The following ACO1 variants were observed in gnomAD, a reference collection of about 807,000 sequenced individuals.
The protein encoded by ACO1 is aconitase 1.
Under a neutral mutation model 105.1 loss-of-function variants are expected in ACO1, and 78 were observed. The observed-to-expected ratio is 0.74, with a 90% CI of 0.62 to 0.90. The LOEUF (loss-of-function observed/expected upper bound fraction) is 0.90. Among genes scored for constraint, ACO1 ranks in the 40% least tolerant of loss-of-function variants. The pLI is 0.00. For missense variants in ACO1, 965 were observed against 1,111.1 expected (o/e 0.87, Z 1.87); for synonymous variants, 364 against 397.4 (o/e 0.92, Z 1.00).
chr9:32,387,645 T>C (rs1327857383), intron 1 of ACO1, among the ~76,000 whole-genome samples: 1 of 152,260 alleles, frequency 6.6e-6, no homozygotes, highest in Non-Finnish European at 1.5e-5. Context: ...TTCTAAAATA[T>C]AGATCAGCAA....
At chr9:32,403,123 G>A (rs992410222) in intron 1 of ACO1, among the ~76,000 whole-genome samples, 3 of 152,206 alleles carry the variant, frequency 2.0e-5, no homozygotes, top group African/African-American at 4.8e-5. Flanking sequence ...GAACAGGGTG[G>A]CTGCACCTAG....
chr9:32,387,537 A>G (rs1291025612), intron 1 of ACO1, among the ~76,000 whole-genome samples: 2 of 152,150 alleles, frequency 1.3e-5, no homozygotes, highest in African/African-American at 2.4e-5. Flanking sequence ...TTTTAGTAGA[A>G]AACAGACTCT....
chr9:32,434,802 CTT>C, intron 17 of ACO1, 101 bp downstream of exon 17: 2 of 1,423,310 alleles, frequency 1.4e-6, no homozygotes, highest in Non-Finnish European at 1.9e-6. Context: ...GAATGAGACT[CTT>C]TGGTTGTGCA....
intron 4 of ACO1, among the ~76,000 whole-genome samples, chr9:32,416,715 G>C (rs144841875): frequency 2.6e-5 from 4 of 152,320 alleles, no homozygotes; most frequent in African/African-American, 9.6e-5. Context: ...GGCTCTGGGG[G>C]AGGGGAGGAT....
At chr9:32,426,536 CTT>C (rs887357459) in intron 11 of ACO1, among the ~76,000 whole-genome samples, 1 of 152,190 alleles carries the variant, frequency 6.6e-6, no homozygotes, top group African/African-American at 2.4e-5. Flanking sequence ...CAAAGCTCCT[CTT>C]ATATCCATCC....
intron 18 of ACO1, among the ~76,000 whole-genome samples, chr9:32,437,879 G>C (rs1054116694): frequency 4.6e-5 from 7 of 151,840 alleles, no homozygotes; most frequent in African/African-American, 1.7e-4. Context: ...AAAGATAAGA[G>C]AAAAAAATGT....
intron 4 of ACO1, among the ~76,000 whole-genome samples, chr9:32,415,206 T>C (rs937630808): frequency 3.9e-5 from 6 of 152,118 alleles, no homozygotes; most frequent in Admixed American, 6.5e-5. Context: ...TTGAAGGACT[T>C]AGGTTTTTAA....
At chr9:32,440,855 GTC>G (rs1407972355) in intron 19 of ACO1, among the ~76,000 whole-genome samples, 1 of 152,170 alleles carries the variant, frequency 6.6e-6, no homozygotes, top group African/African-American at 2.4e-5. Flanking sequence ...GGTCTGTGAA[GTC>G]TCTGAAAACA....
At chr9:32,404,853 G>A (rs150490124) in intron 1 of ACO1, among the ~76,000 whole-genome samples, 1 of 152,334 alleles carries the variant, frequency 6.6e-6, no homozygotes, top group East Asian at 1.9e-4. Flanking sequence ...CTAGAAGCTT[G>A]AACAGGTTCA....
chr9:32,450,364 A>G lies in ACO1; in HGVS notation c.*253A>G. Reference sequence around the variant, plus strand: ...GGTGGGAATGTCAGTAGTGCCAGAAAGAGAGAACCAAGCTTGTCTTTAAAG... The same window carrying G: ...GGTGGGAATGTCAGTAGTGCCAGAAGGAGAGAACCAAGCTTGTCTTTAAAG... On this transcript the variant is annotated 3_prime_UTR_variant, in exon 21 of 21. Coordinates refer to ENST00000309951, the MANE Select transcript of ACO1 (RefSeq NM_002197.3). The G allele has an allele frequency of 3.7e-6, 2 of 536,758 alleles. No homozygotes were observed. 33.2% of individuals were successfully genotyped at this position (536,758 alleles called of 1,614,324 possible). A position where few individuals can be genotyped will look rare whatever the true frequency, so the allele number is the denominator to read the frequency against.
chr9:32,405,896 C>T (rs1401649218), intron 2 of ACO1, among the ~76,000 whole-genome samples: 1 of 152,106 alleles, frequency 6.6e-6, no homozygotes, highest in African/African-American at 2.4e-5. Flanking sequence ...ATAAGAGGTC[C>T]TGAGGAAGCT....
At position 32,407,400 on chromosome 9, in the gene ACO1, G is replaced by T. The variant is rs1473985906; in HGVS notation, c.237G>T (p.Lys79Asn). 5.6e-6 allele frequency: 9 copies of T among 1,613,952 alleles called. No individual in the cohort carries two copies. In the Admixed American group the frequency reaches 6.7e-5, roughly 12 times the overall value. The change falls in exon 3 of 21, where the codon AAG (lysine) becomes AAT (asparagine). Residue 79 changes from lysine (K) to asparagine (N), a missense_variant. Lys to Asn is a moderately conservative substitution (Grantham distance 94). Coordinates refer to ENST00000309951, the MANE Select transcript of ACO1 (RefSeq NM_002197.3). The stretch of plus-strand genomic sequence containing the variant: ...ACAAGAACATAGAAGTGCCATTTAA[G>T]CCTGCTCGTGTCATCCTGCAGGACT... ...TQHKNIEVPFKPARVILQDFT... is the reference protein window; with the variant it reads ...TQHKNIEVPFNPARVILQDFT...
At position 32,454,233 on chromosome 9, in the gene ACO1, A is replaced by T. The variant is rs1242958117; in HGVS notation, c.*4122A>T. ...CAGGGAAGGTGGCAGCAAATGGCAC[A>T]GAAACCCACCTGACCACAGACTGCT... On this transcript the variant is annotated 3_prime_UTR_variant, in exon 21 of 21. Coordinates refer to ENST00000309951, the MANE Select transcript of ACO1 (RefSeq NM_002197.3). 2.6e-5 allele frequency: 4 copies of T among 152,296 alleles called. No individual in the cohort carries two copies. Among genetic ancestry groups the T allele is most frequent in the African/African-American group, 9.6e-5 (4 of 41,470 alleles). 9.4% of individuals were successfully genotyped at this position (152,296 alleles called of 1,614,324 possible). A position where few individuals can be genotyped will look rare whatever the true frequency, so the allele number is the denominator to read the frequency against.
At chr9:32,429,591 A>G (rs1822180653) in intron 13 of ACO1, 88 bp downstream of exon 13, 10 of 1,157,866 alleles carry the variant, frequency 8.6e-6, no homozygotes, top group South Asian at 2.7e-5. Context: ...AAGAAGGTCC[A>G]TGGAAGCAGG....
At chr9:32,414,266 C>A (rs1296644758) in intron 4 of ACO1, among the ~76,000 whole-genome samples, 2 of 152,226 alleles carry the variant, frequency 1.3e-5, no homozygotes, top group Non-Finnish European at 2.9e-5. Context: ...TTCTCAGAAA[C>A]TGAACTACAT....
Position 32,430,576 on chromosome 9 carries a change from T to C in ACO1, c.1726+2T>C, listed in dbSNP as rs763807064. 8 of 1,597,986 alleles carry C rather than the reference T, an allele frequency of 5.0e-6. No individual in the cohort carries two copies. Among genetic ancestry groups the C allele is most frequent in the Non-Finnish European group, 6.8e-6 (8 of 1,173,090 alleles). ...TCGACTTTGAGAAAGAGCCATTGGG[T>C]AAGATTTTGTTTGTGCAGCCATAAT... On this transcript the variant is annotated splice_donor_variant, in intron 14 of 20. Transcript: ENST00000309951. LOFTEE classifies it high-confidence loss of function.
Position 32,454,069 on chromosome 9 carries a change from C to T in ACO1, c.*3958C>T, listed in dbSNP as rs951496992. ...TCGTATGCAGGCTGGATACCTGCTACTGTGCTTCTACAGGATGTTAACAGT... is the reference window on the plus strand; with the variant it reads ...TCGTATGCAGGCTGGATACCTGCTATTGTGCTTCTACAGGATGTTAACAGT... On this transcript the variant is annotated 3_prime_UTR_variant, in exon 21 of 21. Transcript: ENST00000309951. 6.6e-6 allele frequency: 1 copy of T among 152,240 alleles called. No homozygotes were observed. The highest frequency in any genetic ancestry group is 2.4e-5 in the African/African-American group (1 of 41,472). 9.4% of individuals were successfully genotyped at this position (152,240 alleles called of 1,614,324 possible). A position where few individuals can be genotyped will look rare whatever the true frequency, so the allele number is the denominator to read the frequency against.
At chr9:32,395,192 C>T (rs892547021) in intron 1 of ACO1, among the ~76,000 whole-genome samples, 2 of 152,110 alleles carry the variant, frequency 1.3e-5, no homozygotes, top group African/African-American at 4.8e-5. Flanking sequence ...AACATAAATG[C>T]AGGCTGGGTG....
At chr9:32,424,437 T>G in intron 9 of ACO1, 112 bp from the exon 10 acceptor site, 1 of 697,936 alleles carries the variant, frequency 1.4e-6, no homozygotes, top group Non-Finnish European at 2.5e-6. Context: ...AATGTGGTAG[T>G]TTATTTGCTT....
Sources: allele counts gnomAD v4.1 joint callset (sites outside exome capture counted in the v4.1 genomes callset), GRCh38; gene constraint gnomAD v4.1.1; transcripts MANE v1.5; gene names NCBI Gene and HGNC (gene_info 2026-07-23, HGNC 2026-07-21).